The following ADIPOR2 variants were observed in gnomAD, a reference collection of about 807,000 sequenced individuals.
The protein encoded by ADIPOR2 is adiponectin receptor 2, also known as adiponectin receptor protein 2.
Under a neutral mutation model 40.9 loss-of-function variants are expected in ADIPOR2, and 18 were observed. The ratio of observed to expected loss-of-function variants is 0.44; its 90% CI spans 0.30 to 0.65. ADIPOR2 has a LOEUF of 0.65. ADIPOR2 is among the 30% of genes least tolerant of loss of function. The pLI is 0.09. For missense variants in ADIPOR2, 283 were observed against 479.2 expected (o/e 0.59, Z 3.82); for synonymous variants, 165 against 166.4 (o/e 0.99, Z 0.06).
chr12:1,753,310 A>G (rs187078738), intron 1 of ADIPOR2, among the ~76,000 whole-genome samples: 138 of 152,356 alleles, frequency 9.1e-4, no homozygotes, highest in Middle Eastern at 3.4e-3. Context: ...AAGCTTACAT[A>G]TCATGAGTTA....
At chr12:1,725,660 G>A (rs2094706493) in intron 1 of ADIPOR2, among the ~76,000 whole-genome samples, 1 of 152,048 alleles carries the variant, frequency 6.6e-6, no homozygotes, top group Non-Finnish European at 1.5e-5. Context: ...TCTTTGCCAG[G>A]CAATGTTCTA....
intron 1 of ADIPOR2, among the ~76,000 whole-genome samples, chr12:1,753,732 T>C (rs1482150515): frequency 1.3e-5 from 2 of 152,200 alleles, no homozygotes; most frequent in African/African-American, 2.4e-5. Context: ...TGTGGGGTCA[T>C]TGTGATGTTT....
intron 3 of ADIPOR2, among the ~76,000 whole-genome samples, chr12:1,774,182 A>G (rs971538962): frequency 6.6e-6 from 1 of 152,214 alleles, no homozygotes; most frequent in Non-Finnish European, 1.5e-5. Context: ...TATCTGGGCC[A>G]TTAGGGGATT....
At chr12:1,703,704 G>A (rs964636547) in intron 1 of ADIPOR2, among the ~76,000 whole-genome samples, 1 of 151,854 alleles carries the variant, frequency 6.6e-6, no homozygotes, top group Non-Finnish European at 1.5e-5. Flanking sequence ...GTGACAGAGT[G>A]AAACTCTGTC....
chr12:1,765,346 C>T lies in ADIPOR2; in HGVS notation c.172-7496C>T, dbSNP rs187698519. The stretch of plus-strand genomic sequence containing the variant: ...CTTGCATAATTTTTGAAGTAATTAG[C>T]CAAGATAGTGGTGTTAGGTTGGGAA... On this transcript the variant is annotated intron_variant, in intron 2 of 7. Transcript: ENST00000357103. Among the ~76,000 whole-genome samples the T allele has an allele frequency of 1.1e-4, 17 of 152,138 alleles. No homozygotes were observed. In the East Asian group the frequency reaches 3.1e-3, roughly 28 times the overall value.
At chr12:1,694,041 A>G (rs1490426865) in intron 1 of ADIPOR2, among the ~76,000 whole-genome samples, 2 of 152,236 alleles carry the variant, frequency 1.3e-5, no homozygotes, top group Non-Finnish European at 2.9e-5. Flanking sequence ...AGCACTTACT[A>G]TGTACTAGAC....
At chr12:1,724,397 A>G (rs555741124) in intron 1 of ADIPOR2, among the ~76,000 whole-genome samples, 60 of 152,240 alleles carry the variant, frequency 3.9e-4, no homozygotes, top group Non-Finnish European at 7.3e-4. Context: ...AGTCACAAAA[A>G]GACAAATACT....
At chr12:1,691,849 C>T (rs1279228774) in intron 1 of ADIPOR2, among the ~76,000 whole-genome samples, 4 of 152,112 alleles carry the variant, frequency 2.6e-5, no homozygotes, top group Non-Finnish European at 2.9e-5. Flanking sequence ...CTCTTTTTTC[C>T]TCCTGGCTTT....
chr12:1,748,303 C>T (rs1191767344), intron 1 of ADIPOR2, among the ~76,000 whole-genome samples: 1 of 152,112 alleles, frequency 6.6e-6, no homozygotes, highest in Non-Finnish European at 1.5e-5. Flanking sequence ...GGCTGGAGTG[C>T]AGTGGCGCGA....
At chr12:1,728,585 G>A (rs571001275) in intron 1 of ADIPOR2, among the ~76,000 whole-genome samples, 13 of 151,942 alleles carry the variant, frequency 8.6e-5, no homozygotes, top group South Asian at 6.2e-4. Context: ...TTAGCCGGGC[G>A]TGGTGGTGGG....
chr12:1,692,571 T>G (rs933478148), intron 1 of ADIPOR2, among the ~76,000 whole-genome samples: 5 of 152,236 alleles, frequency 3.3e-5, no homozygotes, highest in African/African-American at 1.2e-4. Flanking sequence ...GACTTTGGTC[T>G]GCTTAGCAGA....
chr12:1,723,757 A>G (rs2094702544), intron 1 of ADIPOR2, among the ~76,000 whole-genome samples: 1 of 152,198 alleles, frequency 6.6e-6, no homozygotes, highest in South Asian at 2.1e-4. Context: ...AGCCGTGGAA[A>G]ACAGTAACGT....
chr12:1,734,211 GT>G (rs1482039142), intron 1 of ADIPOR2, among the ~76,000 whole-genome samples: 8 of 152,160 alleles, frequency 5.3e-5, no homozygotes, highest in Non-Finnish European at 8.8e-5. Context: ...GGTTGAACTA[GT>G]TTACAGTCCC....
intron 1 of ADIPOR2, among the ~76,000 whole-genome samples, chr12:1,736,081 T>G (rs898808176): frequency 3.3e-5 from 5 of 152,228 alleles, no homozygotes; most frequent in African/African-American, 1.2e-4. Context: ...TCTGCCAGGC[T>G]TTGGTATCAG....
At chr12:1,714,367 CA>C (rs2154441853) in intron 1 of ADIPOR2, among the ~76,000 whole-genome samples, 1 of 152,174 alleles carries the variant, frequency 6.6e-6, no homozygotes, top group South Asian at 2.1e-4. Context: ...AAATTTTGTT[CA>C]GGGGCCAGGG....
intron 6 of ADIPOR2, among the ~76,000 whole-genome samples, chr12:1,783,641 G>C (rs1862770236): frequency 6.6e-6 from 1 of 152,196 alleles, no homozygotes; most frequent in African/African-American, 2.4e-5. Context: ...TTACAGGTGT[G>C]AGCCACTGCA....
At chr12:1,742,676 A>G (rs926352873) in intron 1 of ADIPOR2, among the ~76,000 whole-genome samples, 17 of 152,204 alleles carry the variant, frequency 1.1e-4, no homozygotes, top group African/African-American at 4.1e-4. Context: ...AATCATGTCT[A>G]GATTACTTGT....
intron 1 of ADIPOR2, among the ~76,000 whole-genome samples, chr12:1,703,452 T>C (rs1386384309): frequency 6.6e-6 from 1 of 152,116 alleles, no homozygotes; most frequent in African/African-American, 2.4e-5. Context: ...TAAAAGAAAT[T>C]TGGCTGGGTG....
At chr12:1,773,006 C>G in intron 3 of ADIPOR2, 45 bp downstream of exon 3, 1 of 1,593,100 alleles carries the variant, frequency 6.3e-7, no homozygotes, top group East Asian at 2.2e-5. Context: ...ATATTTAGCC[C>G]TTCCAAAACA....
Sources: gnomAD v4.1 joint callset for allele counts (sites outside exome capture counted in the v4.1 genomes callset) on GRCh38, gnomAD v4.1.1 for gene constraint, MANE v1.5 for transcripts, NCBI Gene and HGNC (gene_info 2026-07-23, HGNC 2026-07-21) for gene names.